The following LSG1 variants were observed in gnomAD, a reference collection of about 807,000 sequenced individuals.
LSG1 encodes large 60S subunit nuclear export GTPase 1.
A neutral mutation model predicts 82.6 loss-of-function variants in LSG1; 55 were observed. The observed-to-expected ratio is 0.67, with a 90% confidence interval of 0.54 to 0.83. The LOEUF (loss-of-function observed/expected upper bound fraction) is 0.83. Among genes scored for constraint, LSG1 ranks in the 40% least tolerant of loss-of-function variants. The pLI is 0.00. For missense variants in LSG1, 809 were observed against 807.9 expected (o/e 1.00, Z -0.02); for synonymous variants, 272 against 282.5 (o/e 0.96, Z 0.37).
At position 194,670,506 on chromosome 3, in the gene LSG1, T is replaced by C. The variant is rs181518150; in HGVS notation, c.100-371A>G. ...CAAAATTAGTCAAAACTTTATTTGA[T>C]ATAATCCCACAATAAGAAATACATT... On this transcript the variant is annotated intron_variant, in intron 1 of 13. Coordinates refer to ENST00000265245, the MANE Select transcript of LSG1 (RefSeq NM_018385.3). Among the ~76,000 whole-genome samples, 24 of 152,324 alleles carry C rather than the reference T, an allele frequency of 1.6e-4. No homozygotes were observed. In the East Asian group the frequency reaches 2.7e-3, roughly 17 times the overall value.
chr3:194,648,821 T>C lies in LSG1; in HGVS notation c.1420-17A>G, dbSNP rs1718610540. ...CTGGCAAACGTAGCTTGTCAGGGAA[T>C]CCATTCTCTTGAACGGACTCCCTCC... is the stretch of plus-strand genomic sequence containing the variant. On this transcript the variant is annotated splice_polypyrimidine_tract_variant and intron_variant, in intron 10 of 13. Coordinates refer to ENST00000265245, the MANE Select transcript of LSG1 (RefSeq NM_018385.3). 1 of 1,613,704 alleles carries C rather than the reference T, an allele frequency of 6.2e-7. No homozygotes were observed. The highest frequency in any genetic ancestry group is 8.5e-7 in the Non-Finnish European group (1 of 1,179,810).
intron 7 of LSG1, among the ~76,000 whole-genome samples, chr3:194,656,984 G>A (rs1718802920): frequency 6.6e-6 from 1 of 151,838 alleles, no homozygotes; most frequent in Non-Finnish European, 1.5e-5. Context: ...AACATCACAC[G>A]CCGGGGACTG....
At chr3:194,668,804 T>A (rs777587124) in intron 2 of LSG1, among the ~76,000 whole-genome samples, 14 of 152,156 alleles carry the variant, frequency 9.2e-5, no homozygotes, top group Admixed American at 4.6e-4. Context: ...CCAACCTCAA[T>A]GCCCATCAAC....
In LSG1 at chr3:194,653,009, G is replaced by C; in HGVS notation, c.893C>G (p.Pro298Arg). 6.2e-7 allele frequency: 1 copy of C among 1,614,058 alleles called. No individual in the cohort carries two copies. The highest frequency in any genetic ancestry group is 8.5e-7 in the Non-Finnish European group (1 of 1,180,006). Residue 298 changes from proline (P) to arginine (R), a missense_variant, in exon 8 of 14, where the codon CCC becomes CGC. Transcript: ENST00000265245. ...ARDSPSLSEN[P>R]TTDEDDSEYE... The stretch of plus-strand genomic sequence containing the variant: ...CTCACTGTCATCTTCATCCGTTGTG[G>C]GATTTTCACTAAGTGAAGGAGAATC...
At chr3:194,656,690 C>A (rs1224144513) in intron 7 of LSG1, among the ~76,000 whole-genome samples, 61 of 149,836 alleles carry the variant, frequency 4.1e-4, no homozygotes, top group African/African-American at 1.1e-3. Flanking sequence ...TATAAAGACA[C>A]ATGCACACGT....
intron 4 of LSG1, 48 bp downstream of exon 4, chr3:194,666,155 T>C: frequency 6.6e-7 from 1 of 1,512,684 alleles, no homozygotes; most frequent in Non-Finnish European, 9.2e-7. Context: ...GCCAAATATC[T>C]GAACTCAGGA....
At position 194,666,440 on chromosome 3, in the gene LSG1, T is replaced by C. The variant is rs745648446; in HGVS notation, c.347+12A>G. 6.2e-7 allele frequency: 1 copy of C among 1,610,572 alleles called. No homozygotes were observed. The highest frequency in any genetic ancestry group is 2.2e-5 in the East Asian group (1 of 44,860). ...GATGTTTTGTGGCATTCTAAATTCTTCTTCAGCTCACCTCCTCGGTATACA... is the reference window on the plus strand; with the variant it reads ...GATGTTTTGTGGCATTCTAAATTCTCCTTCAGCTCACCTCCTCGGTATACA... On this transcript the variant is annotated intron_variant, in intron 3 of 13. Coordinates refer to ENST00000265245, the MANE Select transcript of LSG1 (RefSeq NM_018385.3).
chr3:194,671,955 A>C, intron 1 of LSG1, 109 bp downstream of exon 1: 2 of 998,648 alleles, frequency 2.0e-6, no homozygotes, highest in Non-Finnish European at 3.1e-6. Context: ...CATCCTTCAA[A>C]ACCCGGCTGA....
intron 13 of LSG1, among the ~76,000 whole-genome samples, 186 bp downstream of exon 13, chr3:194,644,384 AAAT>A (rs1476341901): frequency 0.053 from 5,214 of 99,070 alleles, 264 homozygotes; most frequent in Middle Eastern, 0.094. Context: ...AAAAAAATAA[AAAT>A]AAATAAATAA....
chr3:194,645,577 C>CACACACACACAG lies in LSG1; in HGVS notation c.1623+586_1623+587insCTGTGTGTGTGT, dbSNP rs1718527028. 6.0e-5 allele frequency among the ~76,000 whole-genome samples: 2 copies of CACACACACACAG among 33,328 alleles called. 1 individual carries two copies. Among genetic ancestry groups the CACACACACACAG allele is most frequent in the African/African-American group, 1.6e-4 (2 of 12,476 alleles). The allele number at this position is 33,328 out of a possible 152,430, so 21.9% of individuals were successfully genotyped here. A position where few individuals can be genotyped will look rare whatever the true frequency, so the allele number is the denominator to read the frequency against. ...ACACACACACACACACACAGACAGACACACACACACACACACACACACACA... is the reference window on the plus strand; with the variant it reads ...ACACACACACACACACACAGACAGACACACACACACAGACACACACACACACACACACACACA... On this transcript the variant is annotated intron_variant, in intron 12 of 13. Transcript: ENST00000265245.
chr3:194,667,583 T>G (rs1719055117), intron 2 of LSG1, among the ~76,000 whole-genome samples: 1 of 152,044 alleles, frequency 6.6e-6, no homozygotes, highest in Admixed American at 6.6e-5. Flanking sequence ...GCTGTGGCTC[T>G]CTCACTCCAC....
chr3:194,649,003 CT>C (rs1718615274), intron 10 of LSG1, 199 bp from the exon 11 acceptor site: 2 of 486,862 alleles, frequency 4.1e-6, no homozygotes, highest in Non-Finnish European at 7.1e-6. Context: ...GCTCCCACGA[CT>C]TTTCCATATG....
chr3:194,648,498 T>C (rs1718600879), intron 11 of LSG1, among the ~76,000 whole-genome samples, 183 bp downstream of exon 11: 1 of 152,178 alleles, frequency 6.6e-6, no homozygotes, highest in Non-Finnish European at 1.5e-5. Flanking sequence ...AAAAGCTTTT[T>C]GCACTTTAGG....
intron 1 of LSG1, 167 bp downstream of exon 1, chr3:194,671,897 C>A: frequency 1.5e-6 from 1 of 680,504 alleles, no homozygotes; most frequent in Non-Finnish European, 2.6e-6. Flanking sequence ...GTGTTCTGGG[C>A]CTTGCCAGGA....
In LSG1 at chr3:194,641,809, T is replaced by G. The variant is rs1337510334; in HGVS notation, c.*259A>C. Reference sequence around the variant, plus strand: ...TTTTGTATTTTTAGTAGAGACGGGGTTTCTCCATGTTGGTGCGTGAGCCAC... The same window carrying G: ...TTTTGTATTTTTAGTAGAGACGGGGGTTCTCCATGTTGGTGCGTGAGCCAC... On this transcript the variant is annotated 3_prime_UTR_variant, in exon 14 of 14. Transcript: ENST00000265245. 6.2e-6 allele frequency: 2 copies of G among 324,332 alleles called. No homozygotes were observed. Among genetic ancestry groups the G allele is most frequent in the South Asian group, 9.2e-5 (1 of 10,850 alleles). The allele number at this position is 324,332 out of a possible 1,614,324, so 20.1% of individuals were successfully genotyped here. A position where few individuals can be genotyped will look rare whatever the true frequency, so the allele number is the denominator to read the frequency against.
chr3:194,667,043 A>G (rs988424256), intron 2 of LSG1, among the ~76,000 whole-genome samples: 2 of 151,124 alleles, frequency 1.3e-5, no homozygotes, highest in African/African-American at 4.9e-5. Context: ...ATAGGATATG[A>G]AACTGTAAAC....
chr3:194,655,639 T>C (rs1185774817), intron 7 of LSG1, among the ~76,000 whole-genome samples: 1 of 152,166 alleles, frequency 6.6e-6, no homozygotes. Context: ...TAATAATTAT[T>C]ATTGGTATAT....
At chr3:194,671,280 T>C (rs141235052) in intron 1 of LSG1, among the ~76,000 whole-genome samples, 1 of 152,296 alleles carries the variant, frequency 6.6e-6, no homozygotes, top group East Asian at 1.9e-4. Flanking sequence ...CTAATAAAAA[T>C]TACCAGTAAT....
chr3:194,658,422 C>A (rs1308976142), intron 7 of LSG1, among the ~76,000 whole-genome samples: 1 of 152,182 alleles, frequency 6.6e-6, no homozygotes, highest in East Asian at 1.9e-4. Flanking sequence ...GCTGGGATTA[C>A]AGGAGTGAGC....
Sources: gnomAD v4.1 joint callset for allele counts (sites outside exome capture counted in the v4.1 genomes callset) on GRCh38, gnomAD v4.1.1 for gene constraint, MANE v1.5 for transcripts, NCBI Gene and HGNC (gene_info 2026-07-23, HGNC 2026-07-21) for gene names.